Variants in RBFOX1 observed in about 807,000 individuals in gnomAD.
RBFOX1 encodes RNA binding protein fox-1 homolog 1.
In RBFOX1, 8 loss-of-function variants were observed where a neutral mutation model predicts 57.7. That is an observed-to-expected ratio of 0.14 (90% CI 0.08 to 0.25). The LOEUF is 0.25. RBFOX1 is among the 10% of genes least tolerant of loss of function. The pLI is 1.00. For synonymous variants in RBFOX1, 326 were observed against 222.4 expected (o/e 1.47, Z -4.15); for missense variants, 611 against 548.5 (o/e 1.11, Z -1.14).
chr16:7,624,991 T>A (rs939749712), intron 10 of RBFOX1, among the ~76,000 whole-genome samples: 15 of 151,404 alleles, frequency 9.9e-5, no homozygotes, highest in Non-Finnish European at 2.1e-4. Context: ...GACCGGAGAG[T>A]GGGGCCTGGA....
At chr16:5,625,461 C>G (rs1178101789) in intron 3 of RBFOX1, among the ~76,000 whole-genome samples, 1 of 152,122 alleles carries the variant, frequency 6.6e-6, no homozygotes, top group Non-Finnish European at 1.5e-5. Context: ...ACTGGTGTGC[C>G]TGACCGCTGC....
At chr16:5,348,107 C>T (rs1449968648) in intron 1 of RBFOX1, among the ~76,000 whole-genome samples, 1 of 150,872 alleles carries the variant, frequency 6.6e-6, no homozygotes, top group African/African-American at 2.4e-5. Context: ...CCCACCCACC[C>T]TTCTGTCCAT....
At chr16:6,217,622 G>C (rs1434334902) in intron 1 of RBFOX1, among the ~76,000 whole-genome samples, 1 of 152,190 alleles carries the variant, frequency 6.6e-6, no homozygotes, top group African/African-American at 2.4e-5. Context: ...CACTTTGCAT[G>C]TTGACGGGCT....
rs114374134 is a variant in RBFOX1, at chr16:6,649,619, C to T, written c.-63-4984C>T. Among the ~76,000 whole-genome samples the T allele has an allele frequency of 9.6e-3, 1,465 of 152,260 alleles. 10 individuals are homozygous for T. Among genetic ancestry groups the T allele is most frequent in the African/African-American group, 0.034 (1,397 of 41,538 alleles). ...TTATGAATGAGAACATGCAATGTTT[C>T]GTTTTCCATTCGTGACTTGTTTCAC... On this transcript the variant is annotated intron_variant, in intron 2 of 15. Coordinates refer to ENST00000550418, the MANE Select transcript of RBFOX1 (RefSeq NM_018723.4).
chr16:6,769,165 G>A (rs112734014), intron 3 of RBFOX1, among the ~76,000 whole-genome samples: 7 of 152,286 alleles, frequency 4.6e-5, no homozygotes, highest in Admixed American at 2.6e-4. Flanking sequence ...TTCCCACGCT[G>A]TTCTCATGAT....
intron 2 of RBFOX1, among the ~76,000 whole-genome samples, chr16:5,531,310 A>G (rs897932529): frequency 3.3e-5 from 5 of 152,160 alleles, no homozygotes; most frequent in South Asian, 2.1e-4. Flanking sequence ...GGTACTTCAC[A>G]TTGTTAAATC....
intron 2 of RBFOX1, among the ~76,000 whole-genome samples, chr16:6,478,072 A>G (rs7189279): frequency 0.39 from 59,934 of 151,824 alleles, 12,210 homozygotes; most frequent in Middle Eastern, 0.46. Context: ...TCTTCCATCT[A>G]AACCACTAAT....
intron 4 of RBFOX1, among the ~76,000 whole-genome samples, chr16:7,060,085 C>T (rs192383080): frequency 6.6e-6 from 1 of 152,072 alleles, no homozygotes; most frequent in Non-Finnish European, 1.5e-5. Flanking sequence ...TAATCAAACC[C>T]AGAATTGATA....
intron 3 of RBFOX1, among the ~76,000 whole-genome samples, chr16:6,752,788 T>C (rs746040973): frequency 1.3e-5 from 2 of 148,994 alleles, no homozygotes; most frequent in African/African-American, 4.9e-5. Flanking sequence ...CTGCTGGTAA[T>C]GAAATTGTCA....
chr16:6,745,289 T>C (rs2073307226), intron 3 of RBFOX1, among the ~76,000 whole-genome samples: 1 of 152,054 alleles, frequency 6.6e-6, no homozygotes, highest in Non-Finnish European at 1.5e-5. Context: ...CATTTCCCAA[T>C]CCATTCTATG....
chr16:5,655,929 A>C (rs2049413945), intron 3 of RBFOX1, among the ~76,000 whole-genome samples: 1 of 152,164 alleles, frequency 6.6e-6, no homozygotes, highest in African/African-American at 2.4e-5. Context: ...GCATGTCTCT[A>C]GATTGTGAGC....
chr16:5,352,606 A>G (rs905724171), intron 1 of RBFOX1, among the ~76,000 whole-genome samples: 6 of 152,158 alleles, frequency 3.9e-5, no homozygotes, highest in Admixed American at 1.3e-4. Context: ...ATTCTCTTAC[A>G]TGACCAAAAT....
At chr16:6,143,539 G>C (rs1298423128) in intron 1 of RBFOX1, among the ~76,000 whole-genome samples, 1 of 152,094 alleles carries the variant, frequency 6.6e-6, no homozygotes, top group Admixed American at 6.6e-5. Flanking sequence ...TTGAGAAGTG[G>C]CCTCTTTATT....
chr16:7,134,949 T>G (rs935107052), intron 4 of RBFOX1, among the ~76,000 whole-genome samples: 1 of 152,038 alleles, frequency 6.6e-6, no homozygotes, highest in African/African-American at 2.4e-5. Flanking sequence ...CAATTTTGAT[T>G]AGCCGCGTTC....
chr16:6,703,497 A>T (rs933812746), intron 3 of RBFOX1, among the ~76,000 whole-genome samples: 2 of 122,936 alleles, frequency 1.6e-5, no homozygotes, highest in Non-Finnish European at 1.7e-5. Context: ...GGATTGCTTG[A>T]GCTCAGCAGT....
chr16:7,058,909 G>C (rs1222732329), intron 4 of RBFOX1, among the ~76,000 whole-genome samples: 1 of 152,172 alleles, frequency 6.6e-6, no homozygotes, highest in Admixed American at 6.5e-5. Flanking sequence ...TTATGACAAA[G>C]ATTGTGATAC....
chr16:7,420,699 A>T (rs748488692), intron 4 of RBFOX1, among the ~76,000 whole-genome samples: 27 of 151,534 alleles, frequency 1.8e-4, no homozygotes, highest in Non-Finnish European at 8.8e-5. Context: ...GTAATTGGGC[A>T]TATAGCAGGG....
intron 3 of RBFOX1, among the ~76,000 whole-genome samples, chr16:6,858,473 T>A (rs1218360267): frequency 6.6e-6 from 1 of 152,152 alleles, no homozygotes; most frequent in Non-Finnish European, 1.5e-5. Context: ...GCATAGCACT[T>A]TGGTTTCCGG....
chr16:5,943,675 C>G (rs554221124), intron 4 of RBFOX1, among the ~76,000 whole-genome samples: 1 of 152,288 alleles, frequency 6.6e-6, no homozygotes, highest in African/African-American at 2.4e-5. Context: ...CCCCAGAAAT[C>G]TGAGAATTCG....
Sources: allele counts gnomAD v4.1 joint callset (sites outside exome capture counted in the v4.1 genomes callset), GRCh38; gene constraint gnomAD v4.1.1; transcripts MANE v1.5; gene names NCBI Gene and HGNC (gene_info 2026-07-23, HGNC 2026-07-21).